Variants in DENND1A observed in about 807,000 individuals in gnomAD.
The protein encoded by DENND1A is DENN domain containing 1A.
DENND1A carries 51 observed loss-of-function variants against 113.7 expected under a neutral mutation model. The observed-to-expected ratio is 0.45, with a 90% CI of 0.36 to 0.57. The LOEUF is 0.57. DENND1A is among the 20% of genes least tolerant of loss of function. The probability of loss-of-function intolerance (pLI) is 0.00; values close to 1 mark genes in which losing one functional copy is unlikely to be tolerated. For synonymous variants in DENND1A, 565 were observed against 570.8 expected, an observed-to-expected ratio of 0.99 and a Z score of 0.14; for missense variants, 1,258 against 1,395.9, an observed-to-expected ratio of 0.90 and a Z score of 1.57.
intron 12 of DENND1A, among the ~76,000 whole-genome samples, chr9:123,563,041 T>C (rs1045051549): frequency 2.6e-5 from 4 of 152,156 alleles, no homozygotes; most frequent in Admixed American, 2.6e-4. Flanking sequence ...GATCACATTC[T>C]TTAGTGACGG....
At chr9:123,384,010 A>G (rs2042427308) in intron 22 of DENND1A, 97 bp from the exon 23 acceptor site, 2 of 1,491,746 alleles carry the variant, frequency 1.3e-6, no homozygotes, top group African/African-American at 2.8e-5. Flanking sequence ...TGAGGGGTGC[A>G]CGCAGGGGCC....
chr9:123,826,736 C>G (rs1839386883), intron 2 of DENND1A, among the ~76,000 whole-genome samples: 2 of 152,196 alleles, frequency 1.3e-5, no homozygotes, highest in Non-Finnish European at 2.9e-5. Flanking sequence ...CCTGCAACTT[C>G]TGCACAGCCC....
chr9:123,590,155 C>A (rs2059389782), intron 11 of DENND1A, among the ~76,000 whole-genome samples: 1 of 152,212 alleles, frequency 6.6e-6, no homozygotes, highest in Non-Finnish European at 1.5e-5. Flanking sequence ...GCTAGAGAGA[C>A]TGAGGCAGCG....
intron 13 of DENND1A, among the ~76,000 whole-genome samples, chr9:123,513,561 G>GA (rs2053629430): frequency 6.6e-6 from 1 of 152,222 alleles, no homozygotes. Flanking sequence ...GCCAGAGCGG[G>GA]AAGAGCCGCT....
At chr9:123,417,214 C>T (rs887394054) in intron 19 of DENND1A, among the ~76,000 whole-genome samples, 2 of 152,226 alleles carry the variant, frequency 1.3e-5, no homozygotes, top group African/African-American at 2.4e-5. Flanking sequence ...TGGGACCACT[C>T]CATCTTCCAT....
intron 3 of DENND1A, among the ~76,000 whole-genome samples, chr9:123,776,562 C>A (rs1371243089): frequency 6.6e-6 from 1 of 152,106 alleles, no homozygotes; most frequent in Non-Finnish European, 1.5e-5. Flanking sequence ...TTTCTAAATT[C>A]TATAATTCAG....
chr9:123,846,371 A>C (rs993441221), intron 2 of DENND1A, among the ~76,000 whole-genome samples: 12 of 152,224 alleles, frequency 7.9e-5, no homozygotes, highest in Non-Finnish European at 1.6e-4. Flanking sequence ...GAAAGCAGAA[A>C]TGCAAACATA....
intron 1 of DENND1A, among the ~76,000 whole-genome samples, chr9:123,909,411 AATAAAT>A (rs1265893594): frequency 3.3e-5 from 5 of 150,002 alleles, no homozygotes; most frequent in African/African-American, 1.2e-4. Context: ...AAAAAATAAA[AATAAAT>A]AAAAAAACTG....
At chr9:123,537,748 A>T (rs1467043840) in intron 13 of DENND1A, among the ~76,000 whole-genome samples, 1 of 152,256 alleles carries the variant, frequency 6.6e-6, no homozygotes. Context: ...TTGCGAGAAG[A>T]AAATGAAGTA....
At chr9:123,873,407 A>G (rs1397001355) in intron 2 of DENND1A, among the ~76,000 whole-genome samples, 2 of 152,230 alleles carry the variant, frequency 1.3e-5, no homozygotes, top group Admixed American at 1.3e-4. Flanking sequence ...CACAGAACAC[A>G]TGAGGGACAG....
intron 10 of DENND1A, among the ~76,000 whole-genome samples, chr9:123,625,141 C>A (rs972555800): frequency 2.0e-4 from 30 of 152,102 alleles, no homozygotes; most frequent in Admixed American, 1.8e-3. Flanking sequence ...CCATATAATT[C>A]TCTTAATAAA....
intron 3 of DENND1A, among the ~76,000 whole-genome samples, chr9:123,787,199 A>C (rs1832318858): frequency 6.6e-6 from 1 of 152,144 alleles, no homozygotes; most frequent in African/African-American, 2.4e-5. Context: ...CATTTGTTTT[A>C]TACTTCCTGT....
chr9:123,479,781 C>G (rs931351899), intron 13 of DENND1A, among the ~76,000 whole-genome samples: 2 of 152,244 alleles, frequency 1.3e-5, no homozygotes, highest in African/African-American at 2.4e-5. Flanking sequence ...AAGGATCAAA[C>G]GAATCTTCCA....
At chr9:123,851,512 G>C (rs1225874906) in intron 2 of DENND1A, among the ~76,000 whole-genome samples, 1 of 152,156 alleles carries the variant, frequency 6.6e-6, no homozygotes, top group Non-Finnish European at 1.5e-5. Flanking sequence ...AAAAAGCTAA[G>C]GGGGTGATTT....
At chr9:123,497,813 C>CAAAAAAAAA (rs755257150) in intron 13 of DENND1A, among the ~76,000 whole-genome samples, 3 of 101,762 alleles carry the variant, frequency 2.9e-5, no homozygotes, top group African/African-American at 3.7e-5. Context: ...CTCTTCCATC[C>CAAAAAAAAA]AAAAAAAAAA....
At chr9:123,601,313 GC>G (rs2059925872) in intron 11 of DENND1A, among the ~76,000 whole-genome samples, 1 of 152,180 alleles carries the variant, frequency 6.6e-6, no homozygotes, top group African/African-American at 2.4e-5. Context: ...TACTGCTAGA[GC>G]TTTAAATTGT....
At chr9:123,582,485 T>C (rs1171161912) in intron 12 of DENND1A, among the ~76,000 whole-genome samples, 1 of 145,958 alleles carries the variant, frequency 6.9e-6, no homozygotes, top group Non-Finnish European at 1.5e-5. Context: ...CTGCAACCTC[T>C]GCCTCCTGGG....
intron 13 of DENND1A, among the ~76,000 whole-genome samples, chr9:123,538,754 G>GTA (rs1172643729): frequency 4.4e-5 from 4 of 90,432 alleles, no homozygotes; most frequent in Non-Finnish European, 6.4e-5. Flanking sequence ...GTGTGAGTGT[G>GTA]TGTGTGTGTG....
chr9:123,701,575 C>T (rs548663514), intron 5 of DENND1A, among the ~76,000 whole-genome samples: 2 of 152,294 alleles, frequency 1.3e-5, no homozygotes, highest in East Asian at 3.9e-4. Context: ...GCACCAGAGA[C>T]CTGCAGCCCC....
Sources: allele counts gnomAD v4.1 joint callset (sites outside exome capture counted in the v4.1 genomes callset), GRCh38; gene constraint gnomAD v4.1.1; transcripts MANE v1.5; gene names NCBI Gene and HGNC (gene_info 2026-07-23, HGNC 2026-07-21).